DGKG: variants seen among roughly 807,000 people sequenced by gnomAD.
The protein encoded by DGKG is DAG kinase gamma.
In DGKG, 78 loss-of-function variants were observed where a neutral mutation model predicts 105.3. The observed-to-expected ratio is 0.74, with a 90% confidence interval of 0.62 to 0.89. The LOEUF (loss-of-function observed/expected upper bound fraction) is 0.89, where lower values mean the gene tolerates loss of function less well. Ranked by LOEUF, DGKG falls within the 40% of genes least tolerant of loss-of-function variation. The pLI, the probability that DGKG is intolerant of heterozygous loss-of-function variation, is 0.00. For missense variants in DGKG, 958 were observed against 1,020.1 expected (o/e 0.94, Z 0.83); for synonymous variants, 346 against 367.1 (o/e 0.94, Z 0.66).
chr3:186,154,053 C>T (rs74847464), intron 24 of DGKG, among the ~76,000 whole-genome samples: 36 of 152,196 alleles, frequency 2.4e-4, no homozygotes, highest in Admixed American at 1.4e-3. Context: ...GCCGTGTTCT[C>T]GCCACTGTAC....
At position 186,268,690 on chromosome 3, in the gene DGKG, C is replaced by T. The variant is rs9809552; in HGVS notation, c.1116+111G>A. On this transcript the variant is annotated intron_variant, in intron 12 of 24. Coordinates refer to ENST00000265022, the MANE Select transcript of DGKG (RefSeq NM_001346.3). ...AGGCGCTGTGGGGTCCTCCTAGCCTCGCTCCCCTGGCTTTGCTCATGCCCT... is the reference window on the plus strand; with the variant it reads ...AGGCGCTGTGGGGTCCTCCTAGCCTTGCTCCCCTGGCTTTGCTCATGCCCT... 2.6e-3 allele frequency: 1,937 copies of T among 734,258 alleles called. 26 individuals are homozygous for T. In the African/African-American group the frequency reaches 0.028, roughly 11 times the overall value. 45.5% of individuals were successfully genotyped at this position (734,258 alleles called of 1,614,324 possible). A position where few individuals can be genotyped will look rare whatever the true frequency, so the allele number is the denominator to read the frequency against.
At chr3:186,213,918 C>T (rs1488992659) in intron 20 of DGKG, among the ~76,000 whole-genome samples, 3 of 152,178 alleles carry the variant, frequency 2.0e-5, no homozygotes, top group African/African-American at 7.2e-5. Flanking sequence ...TCAATGATGG[C>T]AAAAGACTAA....
intron 20 of DGKG, among the ~76,000 whole-genome samples, chr3:186,233,916 C>T (rs964547176): frequency 1.3e-5 from 2 of 152,214 alleles, no homozygotes; most frequent in African/African-American, 4.8e-5. Flanking sequence ...CAAGGTCACA[C>T]ATAGTGGTTA....
At chr3:186,329,519 A>G (rs1725501316) in intron 1 of DGKG, among the ~76,000 whole-genome samples, 1 of 152,238 alleles carries the variant, frequency 6.6e-6, no homozygotes, top group Non-Finnish European at 1.5e-5. Context: ...TCCTAAAAAC[A>G]TTAATTCATG....
chr3:186,195,998 A>T (rs1309330195), intron 21 of DGKG, among the ~76,000 whole-genome samples: 1 of 152,060 alleles, frequency 6.6e-6, no homozygotes, highest in Non-Finnish European at 1.5e-5. Flanking sequence ...TCTTGTCTTG[A>T]CCCATTAATA....
At chr3:186,214,667 C>A (rs956520655) in intron 20 of DGKG, among the ~76,000 whole-genome samples, 1 of 152,158 alleles carries the variant, frequency 6.6e-6, no homozygotes, top group Non-Finnish European at 1.5e-5. Flanking sequence ...ACTGGTCACA[C>A]AATTGGCCAA....
chr3:186,258,627 C>T (rs1721597710), intron 16 of DGKG, among the ~76,000 whole-genome samples: 1 of 152,134 alleles, frequency 6.6e-6, no homozygotes, highest in South Asian at 2.1e-4. Context: ...AAAATCACAG[C>T]CATGTTAGTG....
intron 12 of DGKG, 74 bp from the exon 13 acceptor site, chr3:186,267,851 G>T: frequency 7.0e-7 from 1 of 1,425,914 alleles, no homozygotes; most frequent in Non-Finnish European, 9.9e-7. Context: ...GGAGAGGTTT[G>T]GGGGAGAGGT....
In DGKG at chr3:186,297,473, T is replaced by C; in HGVS notation, c.321A>G (p.Ile107Met). 1 of 1,611,342 alleles carries C rather than the reference T, an allele frequency of 6.2e-7. No individual in the cohort carries two copies. Among genetic ancestry groups the C allele is most frequent in the Non-Finnish European group, 8.5e-7 (1 of 1,177,454 alleles). The change falls in exon 5 of 25, where the codon ATA becomes ATG. Residue 107 changes from isoleucine to methionine, a missense_variant. Physicochemically the swap from Ile to Met is conservative, Grantham distance 10. This residue lies in a region of DGKG where 643 missense variants were observed against 619.5 expected (regional missense o/e 1.04). Coordinates refer to ENST00000265022, the MANE Select transcript of DGKG (RefSeq NM_001346.3). ...CTTTGGTGGCATTATCTGCATTCTG[T>C]ATATTAGTATCTGAGGAAAAAAAAG... The part of the protein sequence containing the change: ...NSEANSADTN[I>M]QNADNATKAD...
At chr3:186,306,797 G>A (rs1319932068) in intron 3 of DGKG, 104 bp downstream of exon 3, 4 of 739,768 alleles carry the variant, frequency 5.4e-6, no homozygotes, top group Non-Finnish European at 9.4e-6. Context: ...ACATGCTGAG[G>A]AGCAAGTTCT....
chr3:186,231,164 C>T lies in DGKG; in HGVS notation c.1826+11340G>A, dbSNP rs1046551944. Among the ~76,000 whole-genome samples, 6 of 152,276 alleles carry T rather than the reference C, an allele frequency of 3.9e-5. No homozygotes were observed. Among genetic ancestry groups the T allele is most frequent in the East Asian group, 1.9e-4 (1 of 5,186 alleles). ...ACACACTTGAGGCCCATTCCCAGTA[C>T]GTTCTCTGTTTCTCTCCAGGAAAAG... On this transcript the variant is annotated intron_variant, in intron 20 of 24. Transcript: ENST00000265022. The surrounding 1 kb of genome is among the most constrained non-coding windows in gnomAD (Gnocchi z 4.5).
At position 186,275,577 on chromosome 3, in the gene DGKG, C is replaced by G. The variant is rs758758009; in HGVS notation, c.880G>C (p.Gly294Arg). The G allele has an allele frequency of 1.2e-6, 2 of 1,614,124 alleles. No individual in the cohort carries two copies. The highest frequency in any genetic ancestry group is 8.5e-7 in the Non-Finnish European group (1 of 1,180,020). Residue 294 changes from glycine to arginine, a missense_variant, in exon 10 of 25, where the codon GGC (glycine) becomes CGC (arginine). This residue lies in a region of DGKG where 643 missense variants were observed against 619.5 expected (regional missense o/e 1.04). Transcript: ENST00000265022. ...CAGCACAGGCCTTGCTTGCGGACGC[C>G]CATGAGCATGATATGGCAGAAGTTG... ...YCNFCHIMLM[G>R]VRKQGLCCTY...
chr3:186,301,219 C>G (rs943780732), intron 3 of DGKG, among the ~76,000 whole-genome samples: 1 of 152,220 alleles, frequency 6.6e-6, no homozygotes, highest in Non-Finnish European at 1.5e-5. Flanking sequence ...TGCAATACCT[C>G]TCCAAGGCTT....
At chr3:186,265,673 T>G (rs1722020520) in intron 13 of DGKG, among the ~76,000 whole-genome samples, 1 of 143,078 alleles carries the variant, frequency 7.0e-6, no homozygotes, top group South Asian at 2.3e-4. Flanking sequence ...TTTTTTTTTT[T>G]TTTTTTTTGA....
intron 2 of DGKG, among the ~76,000 whole-genome samples, chr3:186,315,310 C>T (rs1227513866): frequency 3.9e-5 from 6 of 152,170 alleles, no homozygotes; most frequent in South Asian, 2.1e-4. Flanking sequence ...CCTCTTGAAG[C>T]CATTCAAAAT....
At chr3:186,190,402 C>T (rs977463079) in intron 21 of DGKG, among the ~76,000 whole-genome samples, 1 of 152,220 alleles carries the variant, frequency 6.6e-6, no homozygotes, top group Non-Finnish European at 1.5e-5. Context: ...GGCTACCACA[C>T]CAGTACTTCT....
At chr3:186,338,516 A>G (rs567950529) in intron 1 of DGKG, among the ~76,000 whole-genome samples, 1 of 152,338 alleles carries the variant, frequency 6.6e-6, no homozygotes, top group South Asian at 2.1e-4. Context: ...ATTACATGCA[A>G]TATTTGTAGT....
rs919978359 is a variant in DGKG, at chr3:186,182,701, AT to A, written c.2095+5500del. ...ACAAATACTCACATGTAACTCTAAGATTTTTTTTTTTCTAAAGATTTTTCAC... is the reference window on the plus strand; with the variant it reads ...ACAAATACTCACATGTAACTCTAAGATTTTTTTTTTCTAAAGATTTTTCAC... On this transcript the variant is annotated intron_variant, in intron 22 of 24. Transcript: ENST00000265022. Among the ~76,000 whole-genome samples the A allele has an allele frequency of 3.0e-3, 443 of 149,612 alleles. 5 individuals are homozygous for A. Among genetic ancestry groups the A allele is most frequent in the African/African-American group, 8.5e-3 (346 of 40,866 alleles).
At chr3:186,209,876 T>A (rs141898169) in intron 21 of DGKG, among the ~76,000 whole-genome samples, 207 of 152,266 alleles carry the variant, frequency 1.4e-3, no homozygotes, top group African/African-American at 4.8e-3. Flanking sequence ...GCCCATCACA[T>A]GACACGCTCA....
Sources: gnomAD v4.1 joint callset for allele counts (sites outside exome capture counted in the v4.1 genomes callset) on GRCh38, gnomAD v4.1.1 for gene constraint, gnomAD v4.1.1 regional missense constraint, Gnocchi (gnomAD v3.1) non-coding constraint, MANE v1.5 for transcripts, NCBI Gene and HGNC (gene_info 2026-07-23, HGNC 2026-07-21) for gene names.